The following PNOC variants were observed in gnomAD, a reference collection of about 807,000 sequenced individuals.
PNOC encodes prepronociceptin.
A neutral mutation model predicts 15.6 loss-of-function variants in PNOC; 10 were observed. The ratio of observed to expected loss-of-function variants is 0.64; its 90% confidence interval spans 0.40 to 1.09. The LOEUF (loss-of-function observed/expected upper bound fraction) is 1.09, where lower values mean the gene tolerates loss of function less well. PNOC is among the 50% of genes least tolerant of loss of function. PNOC has a pLI of 0.01. For missense variants in PNOC, 220 were observed against 223.9 expected (o/e 0.98, Z 0.11); for synonymous variants, 98 against 88.5 (o/e 1.11, Z -0.60).
intron 2 of PNOC, among the ~76,000 whole-genome samples, chr8:28,332,818 A>G (rs966333777): frequency 6.6e-6 from 1 of 152,076 alleles, no homozygotes; most frequent in Non-Finnish European, 1.5e-5. Context: ...GGGCATGGTG[A>G]TGCATGCCTG....
chr8:28,333,830 G>T (rs933240807), intron 2 of PNOC, among the ~76,000 whole-genome samples: 6 of 152,112 alleles, frequency 3.9e-5, no homozygotes, highest in Non-Finnish European at 7.4e-5. Flanking sequence ...TGCAAGGATT[G>T]GGCCAAGCAT....
At chr8:28,330,560 C>CTATTTTTTTTT (rs1801315384) in intron 2 of PNOC, among the ~76,000 whole-genome samples, 6 of 105,042 alleles carry the variant, frequency 5.7e-5, no homozygotes, top group Non-Finnish European at 1.2e-4. Flanking sequence ...CACCCGGCTA[C>CTATTTTTTTTT]TTTTTTTTTT....
rs1010356202 is a variant in PNOC at position 28,323,982 on chromosome 8, T to C, written c.-23-5153T>C. ...GAATTGCAGGGGGGAATGGATAGCA[T>C]TGAATATGGATGGCTCCTCAAATAA... On this transcript the variant is annotated intron_variant, in intron 1 of 3. Transcript: ENST00000301908. 3.9e-5 allele frequency among the ~76,000 whole-genome samples: 6 copies of C among 152,196 alleles called. No individual in the cohort carries two copies. In the East Asian group the frequency reaches 7.7e-4, roughly 20 times the overall value.
chr8:28,327,336 A>G (rs1046442688), intron 1 of PNOC, among the ~76,000 whole-genome samples: 6 of 152,222 alleles, frequency 3.9e-5, no homozygotes, highest in Non-Finnish European at 5.9e-5. Context: ...GCAATCCTAC[A>G]TAAGATTGCA....
intron 2 of PNOC, among the ~76,000 whole-genome samples, chr8:28,330,391 A>ATTTTTTTTTTTTTTTTT (rs200641227): frequency 2.6e-5 from 2 of 76,082 alleles, no homozygotes; most frequent in African/African-American, 4.2e-5. Flanking sequence ...ATTTTATTTT[A>ATTTTTTTTTTTTTTTTT]TTTTATTTTT....
intron 1 of PNOC, among the ~76,000 whole-genome samples, chr8:28,327,541 G>A (rs2722904): frequency 0.32 from 48,269 of 149,082 alleles, 9,857 homozygotes; most frequent in Non-Finnish European, 0.46. Context: ...CGTATACTGG[G>A]TGGCTTATAA....
Position 28,324,980 on chromosome 8 carries a change from C to T in PNOC, c.-23-4155C>T, listed in dbSNP as rs112913707. On this transcript the variant is annotated intron_variant, in intron 1 of 3. Coordinates refer to ENST00000301908, the MANE Select transcript of PNOC (RefSeq NM_006228.5). ...TTTTAATTGCTTACAAACGTTAACCCACTAATCATCCTCTGAGATAGGTAC... is the reference window on the plus strand; with the variant it reads ...TTTTAATTGCTTACAAACGTTAACCTACTAATCATCCTCTGAGATAGGTAC... Among the ~76,000 whole-genome samples the T allele has an allele frequency of 3.9e-3, 600 of 152,304 alleles. 3 individuals are homozygous for T. Among genetic ancestry groups the T allele is most frequent in the African/African-American group, 0.013 (556 of 41,566 alleles).
In PNOC at chr8:28,320,577, G is replaced by A. The variant is rs543839181; in HGVS notation, c.-24+3261G>A. Among the ~76,000 whole-genome samples, 76 of 152,250 alleles carry A rather than the reference G, an allele frequency of 5.0e-4. No homozygotes were observed. In the Middle Eastern group the frequency reaches 0.014, roughly 27 times the overall value. On this transcript the variant is annotated intron_variant, in intron 1 of 3. Coordinates refer to ENST00000301908, the MANE Select transcript of PNOC (RefSeq NM_006228.5). ...CAAAGTTAAAGAAGTTTGGCCGGGC[G>A]CAGTGGCTCATGCCTGTAATCCCAG...
intron 2 of PNOC, among the ~76,000 whole-genome samples, chr8:28,333,306 A>G (rs374031768): frequency 3.3e-5 from 5 of 152,150 alleles, no homozygotes; most frequent in Non-Finnish European, 7.4e-5. Flanking sequence ...CACTTTCCCC[A>G]TAAGCCCAGC....
intron 2 of PNOC, among the ~76,000 whole-genome samples, chr8:28,337,581 CTTTTTTTTTTTT>C (rs10685321): frequency 8.5e-6 from 1 of 117,154 alleles, no homozygotes; most frequent in Non-Finnish European, 1.7e-5. Context: ...ATTACGTTTC[CTTTTTTTTTTTT>C]TTTTTTTGAG....
chr8:28,324,118 G>A (rs184066442), intron 1 of PNOC, among the ~76,000 whole-genome samples: 197 of 152,314 alleles, frequency 1.3e-3, no homozygotes, highest in East Asian at 2.9e-3. Flanking sequence ...TAGAGCCAAG[G>A]ACACTCAACA....
chr8:28,339,742 T>G, intron 3 of PNOC: 2 of 270,062 alleles, frequency 7.4e-6, no homozygotes, highest in East Asian at 6.5e-5. Context: ...AGATAACTAA[T>G]TCCTCTATCA....
chr8:28,338,468 T>C (rs2129903105), intron 2 of PNOC: 1 of 442,706 alleles, frequency 2.3e-6, no homozygotes, highest in South Asian at 9.5e-5. Context: ...CCACAGGGTC[T>C]TGACCCCATT....
chr8:28,331,562 C>T (rs926070765), intron 2 of PNOC, among the ~76,000 whole-genome samples: 1 of 152,200 alleles, frequency 6.6e-6, no homozygotes. Context: ...TCCTCCTGAA[C>T]TCCTCTCACC....
At chr8:28,341,198 C>T (rs982945572) in intron 3 of PNOC, among the ~76,000 whole-genome samples, 4 of 152,218 alleles carry the variant, frequency 2.6e-5, no homozygotes, top group East Asian at 3.8e-4. Flanking sequence ...AGCATGGAGA[C>T]GGCCCCTTTG....
intron 1 of PNOC, among the ~76,000 whole-genome samples, chr8:28,321,125 ACCT>A (rs1563325750): frequency 6.6e-6 from 1 of 151,492 alleles, no homozygotes; most frequent in Middle Eastern, 3.2e-3. Flanking sequence ...TGCAGACTCA[ACCT>A]CCTGGGCCCA....
chr8:28,341,233 G>A (rs4732851), intron 3 of PNOC, among the ~76,000 whole-genome samples: 16,763 of 152,136 alleles, frequency 0.11, 1,105 homozygotes, highest in East Asian at 0.24. Context: ...TGTTCACCAC[G>A]GGCCTGTTAC....
chr8:28,325,031 A>G (rs576338723), intron 1 of PNOC, among the ~76,000 whole-genome samples: 41 of 152,286 alleles, frequency 2.7e-4, no homozygotes, highest in Admixed American at 7.8e-4. Context: ...TTTGCAGATG[A>G]GGAAATGAGA....
At position 28,339,320 on chromosome 8, in the gene PNOC, C is replaced by T; in HGVS notation, c.407C>T (p.Ala136Val). The change falls in exon 3 of 4, where the codon GCC becomes GTC. Residue 136 changes from alanine to valine, a missense_variant. By Grantham distance (64) the Ala-to-Val change is moderately conservative. Transcript: ENST00000301908. ...AAGAGATTTGGGGGCTTCACCGGGG[C>T]CCGGAAGTCGGCCAGGAAGTTGGCC... ...LQKRFGGFTGARKSARKLANQ... is the reference protein window; with the variant it reads ...LQKRFGGFTGVRKSARKLANQ... 6.2e-7 allele frequency: 1 copy of T among 1,611,872 alleles called. No homozygotes were observed. The highest frequency in any genetic ancestry group is 8.5e-7 in the Non-Finnish European group (1 of 1,178,350).
Sources: allele counts gnomAD v4.1 joint callset (sites outside exome capture counted in the v4.1 genomes callset), GRCh38; gene constraint gnomAD v4.1.1; transcripts MANE v1.5; gene names NCBI Gene and HGNC (gene_info 2026-07-23, HGNC 2026-07-21).